COL4A2: variants seen among roughly 807,000 people sequenced by gnomAD.
The protein encoded by COL4A2 is collagen alpha-2(IV) chain.
COL4A2 carries 99 observed loss-of-function variants against 200.2 expected under a neutral mutation model. The ratio of observed to expected loss-of-function variants is 0.49; its 90% CI spans 0.42 to 0.58. The LOEUF (loss-of-function observed/expected upper bound fraction) is 0.58, where lower values mean the gene tolerates loss of function less well. COL4A2 is among the 20% of genes least tolerant of loss of function. COL4A2 has a pLI of 0.00. For synonymous variants in COL4A2, 897 were observed against 900.6 expected (o/e 1.00, Z 0.07); for missense variants, 1,950 against 2,314.1 (o/e 0.84, Z 3.23).
chr13:110,373,167 A>G (rs1217935385), intron 4 of COL4A2, among the ~76,000 whole-genome samples: 1 of 152,250 alleles, frequency 6.6e-6, no homozygotes, highest in East Asian at 1.9e-4. Context: ...TGAATAGCAC[A>G]TGTGGGCTGC....
At chr13:110,489,533 A>T in intron 35 of COL4A2, 25 bp downstream of exon 35, 1 of 1,613,820 alleles carries the variant, frequency 6.2e-7, no homozygotes, top group African/African-American at 1.3e-5. Context: ...TCCAGTGAAA[A>T]CAGGGAGTCC....
chr13:110,440,573 GCAA>G (rs1259212148), intron 16 of COL4A2, among the ~76,000 whole-genome samples: 6 of 152,110 alleles, frequency 3.9e-5, no homozygotes, highest in African/African-American at 1.4e-4. Context: ...TCCAGCCTGG[GCAA>G]CAAGAGTGAA....
chr13:110,397,203 T>C (rs749465019), intron 4 of COL4A2, among the ~76,000 whole-genome samples: 9 of 152,264 alleles, frequency 5.9e-5, no homozygotes, highest in Admixed American at 1.3e-4. Context: ...AGATAAGTTA[T>C]ACAGTCTGTT....
chr13:110,388,469 T>C (rs184280276), intron 4 of COL4A2, among the ~76,000 whole-genome samples: 2 of 152,356 alleles, frequency 1.3e-5, no homozygotes, highest in Admixed American at 1.3e-4. Context: ...ATGAGCCCTG[T>C]ACTCTGTCAT....
At chr13:110,312,712 T>C (rs1234474249) in intron 3 of COL4A2, among the ~76,000 whole-genome samples, 1 of 152,192 alleles carries the variant, frequency 6.6e-6, no homozygotes, top group Non-Finnish European at 1.5e-5. Flanking sequence ...CTGCTGAAGG[T>C]AGGAGGCAAT....
intron 28 of COL4A2, among the ~76,000 whole-genome samples, chr13:110,472,262 T>C (rs77586438): frequency 1.6e-3 from 238 of 151,710 alleles, no homozygotes; most frequent in South Asian, 4.2e-3. Context: ...ACTACAGGCA[T>C]CCGCCACCAC....
chr13:110,501,830 G>A (rs371399851), intron 41 of COL4A2, 46 bp downstream of exon 41: 154 of 1,574,404 alleles, frequency 9.8e-5, no homozygotes, highest in Non-Finnish European at 1.3e-4. Context: ...CTAGGGGCAG[G>A]AGCTGGCAAT....
chr13:110,469,343 C>A lies in COL4A2; in HGVS notation c.2203+19C>A. On this transcript the variant is annotated intron_variant, in intron 28 of 47. Transcript: ENST00000360467. Reference sequence around the variant, plus strand: ...CCCCCAGGTGAGTTGAGATCAGACCCCCATTCAGCCCCTGGGTTCCAGCGG... The same window carrying A: ...CCCCCAGGTGAGTTGAGATCAGACCACCATTCAGCCCCTGGGTTCCAGCGG... 2 of 1,557,100 alleles carry A rather than the reference C, an allele frequency of 1.3e-6. No individual in the cohort carries two copies. Among genetic ancestry groups the A allele is most frequent in the East Asian group, 2.4e-5 (1 of 42,050 alleles).
At chr13:110,406,323 C>T (rs1879567788) in intron 4 of COL4A2, among the ~76,000 whole-genome samples, 1 of 152,114 alleles carries the variant, frequency 6.6e-6, no homozygotes, top group African/African-American at 2.4e-5. Context: ...AGGTGTAGGC[C>T]CCAAGCAGTC....
intron 3 of COL4A2, among the ~76,000 whole-genome samples, chr13:110,329,796 A>G (rs1347509364): frequency 1.3e-5 from 2 of 152,176 alleles, no homozygotes; most frequent in African/African-American, 4.8e-5. Context: ...ACCCCATGAA[A>G]GAGACAGAGG....
chr13:110,371,299 C>G (rs980079670), intron 4 of COL4A2, among the ~76,000 whole-genome samples: 4 of 152,176 alleles, frequency 2.6e-5, no homozygotes, highest in African/African-American at 9.7e-5. Context: ...CAAAGAAGCT[C>G]AGGATCTTAA....
At chr13:110,404,290 T>C (rs1478781605) in intron 4 of COL4A2, among the ~76,000 whole-genome samples, 1 of 152,244 alleles carries the variant, frequency 6.6e-6, no homozygotes, top group African/African-American at 2.4e-5. Context: ...AGATGCCGAC[T>C]CATATTTGAA....
chr13:110,409,226 CA>C (rs200282780), intron 4 of COL4A2, among the ~76,000 whole-genome samples: 2,005 of 152,294 alleles, frequency 0.013, 26 homozygotes, highest in Non-Finnish European at 0.019. Context: ...CATTCTTGCA[CA>C]AAAATCTCAC....
At chr13:110,476,538 C>T (rs866890756) in intron 29 of COL4A2, among the ~76,000 whole-genome samples, 9 of 152,304 alleles carry the variant, frequency 5.9e-5, no homozygotes, top group African/African-American at 2.2e-4. Context: ...CAAGACTGAC[C>T]GGGTCCCTTT....
At chr13:110,446,708 A>T (rs1881339055) in intron 17 of COL4A2, 90 bp from the exon 18 acceptor site, 2 of 1,115,256 alleles carry the variant, frequency 1.8e-6, no homozygotes, top group African/African-American at 3.1e-5. Context: ...CTGACGGTCC[A>T]CGCTCGGGTT....
intron 3 of COL4A2, among the ~76,000 whole-genome samples, chr13:110,317,152 A>G (rs1268705650): frequency 2.0e-5 from 3 of 151,840 alleles, no homozygotes; most frequent in East Asian, 3.9e-4. Flanking sequence ...ACATACAGAC[A>G]CACAGATGCA....
intron 20 of COL4A2, among the ~76,000 whole-genome samples, chr13:110,451,298 C>A (rs113662620): frequency 2.0e-5 from 3 of 152,316 alleles, no homozygotes; most frequent in African/African-American, 4.8e-5. Context: ...CCACATGCGG[C>A]CCAGGACGGC....
chr13:110,486,840 G>GA (rs1883134698), intron 34 of COL4A2, among the ~76,000 whole-genome samples: 1 of 152,156 alleles, frequency 6.6e-6, no homozygotes, highest in Non-Finnish European at 1.5e-5. Flanking sequence ...CCAGGAGAAG[G>GA]AATTTCACAA....
intron 46 of COL4A2, among the ~76,000 whole-genome samples, chr13:110,506,827 C>T (rs1402176905): frequency 2.0e-5 from 3 of 152,232 alleles, no homozygotes; most frequent in African/African-American, 7.2e-5. Context: ...AGGGACCTGC[C>T]TTTTAACCTG....
Sources: gnomAD v4.1 joint callset for allele counts (sites outside exome capture counted in the v4.1 genomes callset) on GRCh38, gnomAD v4.1.1 for gene constraint, MANE v1.5 for transcripts, NCBI Gene and HGNC (gene_info 2026-07-23, HGNC 2026-07-21) for gene names.